Variants in FAT1 observed in about 807,000 individuals in gnomAD.
The protein encoded by FAT1 is FAT atypical cadherin 1.
Under a neutral mutation model 329.8 loss-of-function variants are expected in FAT1, and 171 were observed. The ratio of observed to expected loss-of-function variants is 0.52; its 90% confidence interval spans 0.46 to 0.59. FAT1 has a LOEUF of 0.59. FAT1 is among the 20% of genes least tolerant of loss of function. The pLI, the probability that FAT1 is intolerant of heterozygous loss-of-function variation, is 0.00. For synonymous variants in FAT1, 2,233 were observed against 2,228.6 expected (o/e 1.00, Z -0.06); for missense variants, 5,672 against 5,774.4 (o/e 0.98, Z 0.57).
At chr4:186,672,820 G>C (rs900630243) in intron 2 of FAT1, among the ~76,000 whole-genome samples, 2 of 152,154 alleles carry the variant, frequency 1.3e-5, no homozygotes, top group Non-Finnish European at 2.9e-5. Context: ...CAATTGGAGG[G>C]AAGATTAAGG....
In FAT1 at chr4:186,589,167, G is replaced by A. The variant is rs778521730; in HGVS notation, c.13192C>T (p.Gln4398Ter). The part of the protein sequence containing the change: ...WMPSVPLPDI[Q>*]EFPNYEVIDE... ...ATCACCTCATAGTTGGGGAACTCTT[G>A]TATGTCCGGCAGAGGAACGCTTGGC... Residue 4398 changes from glutamine to a stop codon, truncating the protein, a stop_gained, in exon 27 of 27, where the codon CAA becomes TAA. Coordinates refer to ENST00000441802, the MANE Select transcript of FAT1 (RefSeq NM_005245.4). LOFTEE classifies it high-confidence loss of function. 1.2e-6 allele frequency: 2 copies of A among 1,613,830 alleles called. No individual in the cohort carries two copies. The highest frequency in any genetic ancestry group is 8.5e-7 in the Non-Finnish European group (1 of 1,179,846).
chr4:186,691,075 C>T (rs56309540), intron 2 of FAT1, among the ~76,000 whole-genome samples: 3,463 of 152,094 alleles, frequency 0.023, 124 homozygotes, highest in African/African-American at 0.079. Context: ...TAAAAAATAA[C>T]GAGTAACGGT....
chr4:186,599,978 C>T lies in FAT1; in HGVS notation c.12023G>A (p.Gly4008Asp), dbSNP rs756698524. The T allele has an allele frequency of 6.2e-7, 1 of 1,613,972 alleles. No individual in the cohort carries two copies. The highest frequency in any genetic ancestry group is 8.5e-7 in the Non-Finnish European group (1 of 1,179,876). ...HIEESVDVSP[G>D]CFLTATEDCA... ...GTCTTCCGTGGCCGTCAGGAAGCAG[C>T]CTGGAGATACATCCACCGACTCTTC... The change falls in exon 22 of 27, where the codon GGC (glycine) becomes GAC (aspartate). Residue 4008 changes from glycine to aspartate, a missense_variant. Physicochemically the swap from Gly to Asp is moderately conservative, Grantham distance 94. Coordinates refer to ENST00000441802, the MANE Select transcript of FAT1 (RefSeq NM_005245.4).
chr4:186,654,908 C>T (rs1371981012), intron 3 of FAT1, among the ~76,000 whole-genome samples: 1 of 134,608 alleles, frequency 7.4e-6, no homozygotes, highest in Non-Finnish European at 1.5e-5. Flanking sequence ...TACACTGTCT[C>T]GAAAAACAAA....
In FAT1 at chr4:186,707,318, A is replaced by AC; in HGVS notation, c.2509dup (p.Val837GlyfsTer3). 6.2e-7 allele frequency: 1 copy of AC among 1,613,820 alleles called. No homozygotes were observed. On this transcript the variant is annotated frameshift_variant, in exon 2 of 27. Coordinates refer to ENST00000441802, the MANE Select transcript of FAT1 (RefSeq NM_005245.4). LOFTEE classifies it high-confidence loss of function. ...TTCAACCTGGATGATTTCACTATGT[A>AC]CCTCCTTGTCTTCACTCACTTCCAC...
intron 4 of FAT1, among the ~76,000 whole-genome samples, chr4:186,637,600 A>T (rs1740892515): frequency 6.6e-6 from 1 of 152,224 alleles, no homozygotes; most frequent in Non-Finnish European, 1.5e-5. Flanking sequence ...CTATTTAGGA[A>T]AAAATATCAG....
At chr4:186,647,072 A>G (rs890881295) in intron 3 of FAT1, among the ~76,000 whole-genome samples, 7 of 152,224 alleles carry the variant, frequency 4.6e-5, no homozygotes, top group Non-Finnish European at 1.5e-5. Flanking sequence ...ACTGTCATTC[A>G]ACTGCTCAGA....
rs143593582 is a variant in FAT1 at position 186,674,971 on chromosome 4, T to C, written c.3266-11358A>G. Among the ~76,000 whole-genome samples, 585 of 152,228 alleles carry C rather than the reference T, an allele frequency of 3.8e-3. 10 individuals are homozygous for C. Among genetic ancestry groups the C allele is most frequent in the African/African-American group, 0.013 (552 of 41,546 alleles). ...ATCGCTTGAGCCTGGTAGGTCAAGG[T>C]TGCAGTGAGCCGAGATCATGCTGCT... is the stretch of plus-strand genomic sequence containing the variant. On this transcript the variant is annotated intron_variant, in intron 2 of 26. Coordinates refer to ENST00000441802, the MANE Select transcript of FAT1 (RefSeq NM_005245.4).
At chr4:186,686,466 C>G (rs1393718565) in intron 2 of FAT1, among the ~76,000 whole-genome samples, 3 of 152,108 alleles carry the variant, frequency 2.0e-5, no homozygotes, top group Non-Finnish European at 4.4e-5. Flanking sequence ...ATAATTAAAT[C>G]AATATAGTAA....
Position 186,624,319 on chromosome 4 carries a change from A to C in FAT1, c.4811-2544T>G, listed in dbSNP as rs184561420. Among the ~76,000 whole-genome samples, 209 of 152,326 alleles carry C rather than the reference A, an allele frequency of 1.4e-3. 1 individual carries two copies. Among genetic ancestry groups the C allele is most frequent in the African/African-American group, 4.8e-3 (200 of 41,570 alleles). The stretch of plus-strand genomic sequence containing the variant: ...TTAAGTATATTACACAGAACTGTGA[A>C]GGGGAGTCTGTTTCTTCCCCTGTAG... On this transcript the variant is annotated intron_variant, in intron 9 of 26. Transcript: ENST00000441802.
intron 3 of FAT1, among the ~76,000 whole-genome samples, chr4:186,655,778 C>G (rs889596783): frequency 6.6e-6 from 1 of 152,022 alleles, no homozygotes; most frequent in East Asian, 1.9e-4. Context: ...ATGGAAAAAC[C>G]CAAGATGCAT....
chr4:186,607,867 A>G (rs1388397023), intron 16 of FAT1, among the ~76,000 whole-genome samples: 1 of 152,032 alleles, frequency 6.6e-6, no homozygotes, highest in Non-Finnish European at 1.5e-5. Flanking sequence ...ATTTATCTCA[A>G]TCCCTCATGT....
rs1234845670 is a variant in FAT1, at chr4:186,611,710, A to C, written c.9529T>G (p.Leu3177Val). The C allele has an allele frequency of 6.3e-7, 1 of 1,596,888 alleles. No homozygotes were observed. Among genetic ancestry groups the C allele is most frequent in the Non-Finnish European group, 8.5e-7 (1 of 1,170,824 alleles). The change falls in exon 14 of 27, where the codon TTA becomes GTA. Residue 3177 changes from leucine (L) to valine (V), a missense_variant. Coordinates refer to ENST00000441802, the MANE Select transcript of FAT1 (RefSeq NM_005245.4). Reference sequence around the variant, plus strand: ...TTTTCTAACTGAATAATTCCAGATAATTCGTTAATGGAGAACTGCCCATCA... The same window carrying C: ...TTTTCTAACTGAATAATTCCAGATACTTCGTTAATGGAGAACTGCCCATCA... Reference protein sequence around the residue: ...SADGQFSINELSGIIQLEKPL... With the variant: ...SADGQFSINEVSGIIQLEKPL...
rs551417045 is a variant in FAT1 at position 186,688,561 on chromosome 4, G to A, written c.3265+18002C>T. Among the ~76,000 whole-genome samples, 7 of 152,134 alleles carry A rather than the reference G, an allele frequency of 4.6e-5. 1 individual carries two copies. The South Asian group carries it at 6.2e-4, about 14-fold the overall frequency. ...AGACAATCCCTACATTCAACAGCTC[G>A]GAAGAAATGAAGGGGGACGCAATTC... On this transcript the variant is annotated intron_variant, in intron 2 of 26. Coordinates refer to ENST00000441802, the MANE Select transcript of FAT1 (RefSeq NM_005245.4).
intron 2 of FAT1, among the ~76,000 whole-genome samples, chr4:186,702,120 C>A (rs919866368): frequency 6.6e-6 from 1 of 152,242 alleles, no homozygotes; most frequent in Non-Finnish European, 1.5e-5. Flanking sequence ...CCGGCCTCCA[C>A]ACAGGTGACA....
rs972178727 is a variant in FAT1 at position 186,621,204 on chromosome 4, A to G, written c.5382T>C (p.Ile1794=). 3 of 1,613,910 alleles carry G rather than the reference A, an allele frequency of 1.9e-6. No individual in the cohort carries two copies. In the African/African-American group the frequency reaches 4.0e-5, roughly 22 times the overall value. ...VLTDRNVPLV[I]RAADADKDSN... is the part of the protein sequence containing the mutation. ...AGTCTTTATCAGCATCAGCTGCTCG[A>G]ATCACCAGTGGGACATTCCTGTCTG... The change falls in exon 10 of 27, where the codon ATT becomes ATC. Residue 1794 remains isoleucine, a synonymous_variant. Coordinates refer to ENST00000441802, the MANE Select transcript of FAT1 (RefSeq NM_005245.4).
intron 3 of FAT1, among the ~76,000 whole-genome samples, chr4:186,655,694 A>C (rs1741870067): frequency 6.6e-6 from 1 of 152,142 alleles, no homozygotes; most frequent in African/African-American, 2.4e-5. Flanking sequence ...CAGCCTCCCG[A>C]AGTGCTGGGA....
intron 2 of FAT1, among the ~76,000 whole-genome samples, chr4:186,692,952 T>C (rs1356191696): frequency 6.6e-6 from 1 of 152,156 alleles, no homozygotes; most frequent in Non-Finnish European, 1.5e-5. Flanking sequence ...ATTCTCCAAT[T>C]CCTTTGGGGG....
intron 23 of FAT1, 58 bp downstream of exon 23, chr4:186,597,912 TTA>T (rs1738610400): frequency 6.4e-7 from 1 of 1,573,060 alleles, no homozygotes; most frequent in Non-Finnish European, 8.7e-7. Context: ...ACATGTACCA[TTA>T]TATGTTTAAG....
Sources: allele counts gnomAD v4.1 joint callset (sites outside exome capture counted in the v4.1 genomes callset), GRCh38; gene constraint gnomAD v4.1.1; transcripts MANE v1.5; gene names NCBI Gene and HGNC (gene_info 2026-07-23, HGNC 2026-07-21).